Variants in SNTG1 observed in about 807,000 individuals in gnomAD.
SNTG1 encodes the protein gamma-1-syntrophin.
SNTG1 carries 39 observed loss-of-function variants against 74.7 expected under a neutral mutation model. The observed-to-expected ratio is 0.52, with a 90% CI of 0.40 to 0.68. The LOEUF is 0.68. SNTG1 is among the 30% of genes least tolerant of loss of function. SNTG1 has a pLI of 0.00. For synonymous variants in SNTG1, 254 were observed against 217.1 expected, an observed-to-expected ratio of 1.17 and a Z score of -1.49; for missense variants, 685 against 609.5, an observed-to-expected ratio of 1.12 and a Z score of -1.30.
chr8:50,022,825 AC>A (rs1317589982), intron 1 of SNTG1, among the ~76,000 whole-genome samples: 4 of 152,140 alleles, frequency 2.6e-5, no homozygotes, highest in Admixed American at 6.5e-5. Flanking sequence ...GAGGGTGTGG[AC>A]CTTGACTTTT....
chr8:49,986,869 C>CA (rs1813211482), intron 1 of SNTG1, among the ~76,000 whole-genome samples: 1 of 151,868 alleles, frequency 6.6e-6, no homozygotes, highest in Non-Finnish European at 1.5e-5. Flanking sequence ...GCCACGGTCT[C>CA]AAAATAGATA....
chr8:50,682,032 T>C (rs2131392878), intron 15 of SNTG1, among the ~76,000 whole-genome samples: 1 of 152,318 alleles, frequency 6.6e-6, no homozygotes, highest in Non-Finnish European at 1.5e-5. Flanking sequence ...ACCACTGTTG[T>C]GACACTGGTG....
intron 1 of SNTG1, among the ~76,000 whole-genome samples, chr8:50,111,273 C>T (rs1025354400): frequency 8.5e-5 from 13 of 152,100 alleles, no homozygotes; most frequent in Admixed American, 8.5e-4. Context: ...TCTACCCCCC[C>T]AATATAATGG....
chr8:50,278,108 G>A (rs1265463506), intron 2 of SNTG1, among the ~76,000 whole-genome samples: 2 of 152,038 alleles, frequency 1.3e-5, no homozygotes, highest in African/African-American at 4.8e-5. Context: ...AGGAGGCAGA[G>A]GTTGCAATGA....
chr8:49,993,352 T>C (rs758213134), intron 1 of SNTG1, among the ~76,000 whole-genome samples: 3 of 103,018 alleles, frequency 2.9e-5, no homozygotes, highest in Non-Finnish European at 5.5e-5. Flanking sequence ...TCTTCCTCTG[T>C]TGTAAATTTT....
intron 15 of SNTG1, among the ~76,000 whole-genome samples, chr8:50,679,363 A>G (rs1023650587): frequency 6.6e-6 from 1 of 152,146 alleles, no homozygotes; most frequent in Non-Finnish European, 1.5e-5. Flanking sequence ...ATTCTGGCCC[A>G]ATTAATATCA....
At chr8:50,151,732 C>T (rs548896443) in intron 1 of SNTG1, among the ~76,000 whole-genome samples, 103 of 152,166 alleles carry the variant, frequency 6.8e-4, no homozygotes, top group Non-Finnish European at 1.3e-3. Context: ...GAGTGAGTTT[C>T]TTAATCCTGA....
At chr8:50,078,022 A>G (rs1331447124) in intron 1 of SNTG1, among the ~76,000 whole-genome samples, 1 of 152,146 alleles carries the variant, frequency 6.6e-6, no homozygotes, top group Non-Finnish European at 1.5e-5. Flanking sequence ...GGATATAGAT[A>G]TAGTATCCAA....
At chr8:50,146,474 C>T (rs138162615) in intron 1 of SNTG1, among the ~76,000 whole-genome samples, 28 of 152,158 alleles carry the variant, frequency 1.8e-4, no homozygotes, top group East Asian at 3.9e-4. Context: ...GCCAAGATCA[C>T]GCCATTGCAC....
intron 1 of SNTG1, among the ~76,000 whole-genome samples, chr8:50,067,399 A>G (rs989166144): frequency 5.3e-5 from 8 of 152,314 alleles, no homozygotes; most frequent in Admixed American, 3.9e-4. Flanking sequence ...AGAAGATAAG[A>G]TTAGTCGAAA....
chr8:50,560,778 T>C lies in SNTG1; in HGVS notation c.810+7599T>C, dbSNP rs551314634. ...TAATGGGTGTGGGGCTCAATACCTGTATGAGGGGTTTATCTGGGCAGCAAA... is the reference window on the plus strand; with the variant it reads ...TAATGGGTGTGGGGCTCAATACCTGCATGAGGGGTTTATCTGGGCAGCAAA... On this transcript the variant is annotated intron_variant, in intron 12 of 18. Transcript: ENST00000642720. Among the ~76,000 whole-genome samples, 13 of 152,180 alleles carry C rather than the reference T, an allele frequency of 8.5e-5. No individual in the cohort carries two copies. In the South Asian group the frequency reaches 2.5e-3, roughly 29 times the overall value.
At chr8:50,475,528 A>G (rs1189116943) in intron 8 of SNTG1, among the ~76,000 whole-genome samples, 1 of 152,126 alleles carries the variant, frequency 6.6e-6, no homozygotes, top group African/African-American at 2.4e-5. Flanking sequence ...CCAGAGTCAG[A>G]TGCCATTTCC....
intron 2 of SNTG1, among the ~76,000 whole-genome samples, chr8:50,364,169 G>A (rs117609422): frequency 0.017 from 2,605 of 152,244 alleles, 26 homozygotes; most frequent in Non-Finnish European, 0.027. Flanking sequence ...AGAGGTTGGG[G>A]AATTGGGGTT....
In SNTG1 at chr8:50,438,946, C is replaced by A. The variant is rs549184327; in HGVS notation, c.219+347C>A. ...TGATCTGCAGTAAATAGAACAATAACAAGTTTCACACTAATAAAGCCCAAT... is the reference window on the plus strand; with the variant it reads ...TGATCTGCAGTAAATAGAACAATAAAAAGTTTCACACTAATAAAGCCCAAT... On this transcript the variant is annotated intron_variant, in intron 5 of 18. Transcript: ENST00000642720. 7.2e-5 allele frequency among the ~76,000 whole-genome samples: 11 copies of A among 152,186 alleles called. No individual in the cohort carries two copies. In the South Asian group the frequency reaches 2.3e-3, roughly 31 times the overall value.
chr8:50,585,091 A>AAC (rs2094639136), intron 12 of SNTG1, among the ~76,000 whole-genome samples: 1 of 152,192 alleles, frequency 6.6e-6, no homozygotes, highest in African/African-American at 2.4e-5. Flanking sequence ...AACACAAGAA[A>AAC]ACAAGACCGT....
intron 1 of SNTG1, among the ~76,000 whole-genome samples, chr8:50,155,244 G>A (rs2082216811): frequency 6.6e-6 from 1 of 152,130 alleles, no homozygotes; most frequent in Non-Finnish European, 1.5e-5. Context: ...ATAAGAAAAG[G>A]ATAGAGAGTA....
At chr8:50,486,136 T>A (rs2093791664) in intron 8 of SNTG1, among the ~76,000 whole-genome samples, 1 of 152,198 alleles carries the variant, frequency 6.6e-6, no homozygotes, top group Non-Finnish European at 1.5e-5. Context: ...ATGCAGGCTC[T>A]TTTTTGCTTC....
intron 13 of SNTG1, among the ~76,000 whole-genome samples, chr8:50,652,565 G>A (rs1160096115): frequency 6.6e-6 from 1 of 152,148 alleles, no homozygotes; most frequent in Non-Finnish European, 1.5e-5. Context: ...GGGAAGCAAA[G>A]GAGGATGGAT....
rs948185774 is a variant in SNTG1 at position 50,349,591 on chromosome 8, A to G, written c.-27-44621A>G. ...GTTATTCTTTTTTTTACATATTTAC[A>G]TTGTCTTTGTATGTTGTGTAAATGA... On this transcript the variant is annotated intron_variant, in intron 2 of 18. Coordinates refer to ENST00000642720, the MANE Select transcript of SNTG1 (RefSeq NM_018967.5). Among the ~76,000 whole-genome samples the G allele has an allele frequency of 2.0e-5, 3 of 151,704 alleles. 1 individual carries two copies. The highest frequency in any genetic ancestry group is 6.8e-3 in the Middle Eastern group (2 of 294).
Sources: allele counts gnomAD v4.1 joint callset (sites outside exome capture counted in the v4.1 genomes callset), GRCh38; gene constraint gnomAD v4.1.1; transcripts MANE v1.5; gene names NCBI Gene and HGNC (gene_info 2026-07-23, HGNC 2026-07-21).